GMDS: variants seen among roughly 807,000 people sequenced by gnomAD.
GMDS encodes the protein GDP-mannose 4,6 dehydratase.
A neutral mutation model predicts 49.9 loss-of-function variants in GMDS; 20 were observed. The ratio of observed to expected loss-of-function variants is 0.40; its 90% CI spans 0.28 to 0.58. The LOEUF is 0.58. Among genes scored for constraint, GMDS ranks in the 20% least tolerant of loss-of-function variants. The pLI is 0.42. For missense variants in GMDS, 362 were observed against 481.4 expected (o/e 0.75, Z 2.32); for synonymous variants, 177 against 178.6 (o/e 0.99, Z 0.07).
chr6:2,025,394 G>C (rs1466113590), intron 4 of GMDS, among the ~76,000 whole-genome samples: 1 of 148,884 alleles, frequency 6.7e-6, no homozygotes, highest in African/African-American at 2.5e-5. Context: ...GTGTGTGTGT[G>C]TGTGTGTGTG....
intron 1 of GMDS, among the ~76,000 whole-genome samples, chr6:2,143,536 T>G (rs1024565460): frequency 6.6e-6 from 1 of 152,182 alleles, no homozygotes; most frequent in South Asian, 2.1e-4. Flanking sequence ...TATTCTAAAG[T>G]AATTTTTTTT....
chr6:1,999,310 G>T (rs1193376165), intron 4 of GMDS, among the ~76,000 whole-genome samples: 2 of 95,928 alleles, frequency 2.1e-5, no homozygotes, highest in Non-Finnish European at 2.1e-5. Flanking sequence ...GACAGAGCGA[G>T]ACTCTGTCTC....
intron 7 of GMDS, among the ~76,000 whole-genome samples, chr6:1,927,683 T>C (rs3800138): frequency 0.41 from 62,070 of 151,948 alleles, 13,233 homozygotes; most frequent in Middle Eastern, 0.48. Flanking sequence ...ACACTCACAG[T>C]GGAGCTAGCT....
intron 7 of GMDS, among the ~76,000 whole-genome samples, chr6:1,914,127 G>GTTTTT (rs1225983780): frequency 1.6e-4 from 8 of 50,012 alleles, no homozygotes; most frequent in South Asian, 1.5e-3. Flanking sequence ...AGCGTTTTTT[G>GTTTTT]TTTGTTTTTT....
intron 4 of GMDS, among the ~76,000 whole-genome samples, chr6:2,015,562 T>C (rs1767838415): frequency 1.3e-5 from 2 of 152,064 alleles, no homozygotes; most frequent in East Asian, 3.8e-4. Context: ...AGAGGAAAGT[T>C]CTCAAATCAA....
rs145224016 is a variant in GMDS, at chr6:2,129,401, T to G, written c.103-4670A>C. Reference sequence around the variant, plus strand: ...AGACAGACAAACGAAAAGGGAACTTTCTTACATGCAATGTGAGAACCTGGC... The same window carrying G: ...AGACAGACAAACGAAAAGGGAACTTGCTTACATGCAATGTGAGAACCTGGC... On this transcript the variant is annotated intron_variant, in intron 1 of 10. Transcript: ENST00000380815. 2.1e-3 allele frequency among the ~76,000 whole-genome samples: 314 copies of G among 152,256 alleles called. 1 individual carries two copies. The highest frequency in any genetic ancestry group is 3.4e-3 in the Non-Finnish European group (230 of 68,020).
At chr6:1,674,807 C>A (rs1764563027) in intron 9 of GMDS, among the ~76,000 whole-genome samples, 1 of 151,774 alleles carries the variant, frequency 6.6e-6, no homozygotes, top group Non-Finnish European at 1.5e-5. Flanking sequence ...GCCTTGGCCT[C>A]CAAAAGTACT....
intron 6 of GMDS, among the ~76,000 whole-genome samples, chr6:1,933,990 T>C (rs1436309533): frequency 2.6e-5 from 4 of 152,198 alleles, no homozygotes; most frequent in Admixed American, 6.5e-5. Context: ...TATATATTTT[T>C]ATGAGTTTTA....
intron 4 of GMDS, among the ~76,000 whole-genome samples, chr6:2,048,761 T>C (rs1339437436): frequency 6.6e-6 from 1 of 152,238 alleles, no homozygotes; most frequent in East Asian, 1.9e-4. Flanking sequence ...AATTGATATT[T>C]TATGCTATCA....
At chr6:1,837,693 GC>G (rs1756987116) in intron 7 of GMDS, among the ~76,000 whole-genome samples, 1 of 152,182 alleles carries the variant, frequency 6.6e-6, no homozygotes, top group Non-Finnish European at 1.5e-5. Context: ...TGCCATAGGG[GC>G]CAAAGAGTTA....
At chr6:1,697,318 C>T (rs993100081) in intron 9 of GMDS, among the ~76,000 whole-genome samples, 1 of 152,164 alleles carries the variant, frequency 6.6e-6, no homozygotes, top group African/African-American at 2.4e-5. Flanking sequence ...GCAATGTAGA[C>T]AAAGCATTTG....
chr6:2,187,671 C>A (rs1390406908), intron 1 of GMDS, among the ~76,000 whole-genome samples: 1 of 152,204 alleles, frequency 6.6e-6, no homozygotes, highest in Non-Finnish European at 1.5e-5. Flanking sequence ...GATGACACAT[C>A]AAACGAGTAG....
chr6:1,901,617 T>C (rs968268918), intron 7 of GMDS, among the ~76,000 whole-genome samples: 2 of 152,178 alleles, frequency 1.3e-5, no homozygotes, highest in Non-Finnish European at 2.9e-5. Flanking sequence ...AGGAGAATTT[T>C]GTTGCTCTTT....
intron 1 of GMDS, among the ~76,000 whole-genome samples, chr6:2,215,252 CAGAG>C (rs1189930173): frequency 6.6e-6 from 1 of 151,846 alleles, no homozygotes; most frequent in African/African-American, 2.4e-5. Flanking sequence ...GAAAAAGAGA[CAGAG>C]AGAGGATGTT....
chr6:1,743,827 G>A (rs1229418296), intron 7 of GMDS, among the ~76,000 whole-genome samples: 1 of 120,024 alleles, frequency 8.3e-6, no homozygotes, highest in African/African-American at 3.6e-5. Context: ...CTTCAAAAAA[G>A]GTTGAAGCAA....
At chr6:1,935,077 A>C (rs184548284) in intron 6 of GMDS, among the ~76,000 whole-genome samples, 1 of 152,236 alleles carries the variant, frequency 6.6e-6, no homozygotes. Context: ...TAATTAACTT[A>C]AATACATACT....
At chr6:1,669,646 C>T (rs575889612) in intron 9 of GMDS, among the ~76,000 whole-genome samples, 1 of 152,232 alleles carries the variant, frequency 6.6e-6, no homozygotes, top group Non-Finnish European at 1.5e-5. Context: ...GGTACAGTGG[C>T]TCATGCCTGT....
intron 8 of GMDS, among the ~76,000 whole-genome samples, chr6:1,737,498 CAA>C (rs1009068357): frequency 5.3e-5 from 8 of 149,730 alleles, no homozygotes; most frequent in African/African-American, 1.7e-4. Flanking sequence ...CACACACACA[CAA>C]ACACACACAC....
chr6:1,652,655 T>A (rs57703722), intron 9 of GMDS, among the ~76,000 whole-genome samples: 122 of 3,104 alleles, frequency 0.039, 29 homozygotes, highest in African/African-American at 0.076. Flanking sequence ...TATATATTAT[T>A]TATATATAAT....
Sources: gnomAD v4.1 joint callset for allele counts (sites outside exome capture counted in the v4.1 genomes callset) on GRCh38, gnomAD v4.1.1 for gene constraint, MANE v1.5 for transcripts, NCBI Gene and HGNC (gene_info 2026-07-23, HGNC 2026-07-21) for gene names.